Variants in SLC25A35 observed in about 807,000 individuals in gnomAD.
SLC25A35 encodes solute carrier family 25, member 35.
SLC25A35 carries 32 observed loss-of-function variants against 30.5 expected under a neutral mutation model. The ratio of observed to expected loss-of-function variants is 1.05; its 90% CI spans 0.79 to 1.41. The LOEUF is 1.41. Ranked by LOEUF, SLC25A35 falls within the 40% of genes most tolerant of loss-of-function variation. SLC25A35 has a pLI of 0.00. For missense variants in SLC25A35, 369 were observed against 388.0 expected (o/e 0.95, Z 0.41); for synonymous variants, 142 against 158.1 (o/e 0.90, Z 0.77).
rs148456138 is a variant in SLC25A35 at position 8,291,395 on chromosome 17, C to G, written c.532G>C (p.Val178Leu). The change falls in exon 3 of 5, where the codon GTC (valine) becomes CTC (leucine). Residue 178 changes from valine (V) to leucine (L), a missense_variant. Coordinates refer to ENST00000577745, the MANE Select transcript of SLC25A35 (RefSeq NM_001320870.2). ...GALGGLPRVIVGSSTQLCTFS... is the reference protein window; with the variant it reads ...GALGGLPRVILGSSTQLCTFS... ...GTGCACAGCTGGGTGGAGGAACCGA[C>G]GATAACTCGGGGCAGGCCGCCCAGA... 2 of 1,614,118 alleles carry G rather than the reference C, an allele frequency of 1.2e-6. No homozygotes were observed. The highest frequency in any genetic ancestry group is 1.7e-5 in the Admixed American group (1 of 60,008).
chr17:8,288,952 C>A, downstream of SLC25A35: 1 of 1,614,090 alleles, frequency 6.2e-7, no homozygotes, highest in Non-Finnish European at 8.5e-7. Flanking sequence ...TCGCCTCACT[C>A]CAGCGACCTC....
chr17:8,289,165 C>G, downstream of SLC25A35: 3 of 1,599,638 alleles, frequency 1.9e-6, no homozygotes, highest in Non-Finnish European at 2.6e-6. Context: ...GCGGTGAGAC[C>G]ACGCACGGGC....
At chr17:8,289,270 G>A (rs1175231056), downstream of SLC25A35, 3 of 1,613,678 alleles carry the variant, frequency 1.9e-6, no homozygotes, top group Non-Finnish European at 1.7e-6. Flanking sequence ...ACCACTTTGA[G>A]GATGTTGGTG....
At chr17:8,289,715 G>C (rs1014363160), downstream of SLC25A35, 1 of 1,613,504 alleles carries the variant, frequency 6.2e-7, no homozygotes, top group African/African-American at 1.3e-5. Flanking sequence ...AGAGGTTTGG[G>C]GTAACTGATA....
intron 2 of SLC25A35, among the ~76,000 whole-genome samples, chr17:8,292,275 C>T (rs1990566708): frequency 6.6e-6 from 1 of 152,204 alleles, no homozygotes; most frequent in South Asian, 2.1e-4. Flanking sequence ...AGGAGAATCA[C>T]TTGAACCCGG....
downstream of SLC25A35, chr17:8,287,966 C>A (rs1380810634): frequency 1.3e-5 from 2 of 152,186 alleles, no homozygotes; most frequent in Non-Finnish European, 2.9e-5. Context: ...TTCCCAGCAG[C>A]AGATCTATGA....
At chr17:8,289,952 G>A (rs138188491), downstream of SLC25A35, 1 of 1,613,972 alleles carries the variant, frequency 6.2e-7, no homozygotes, top group Admixed American at 1.7e-5. Context: ...CTGAAGCACT[G>A]CATGATGTTG....
At position 8,290,559 on chromosome 17, in the gene SLC25A35, G is replaced by A; in HGVS notation, c.849C>T (p.Leu283=). Residue 283 remains leucine (L), a synonymous_variant, in exon 5 of 5, where the codon CTC becomes CTT. Transcript: ENST00000577745. ...GCAGCTGGTCCCAGAAGAAGAGGGA[G>A]AGGATGGTGTGGGGGCCGAGGCGGA... The part of the protein sequence containing the change: ...SYFRLGPHTI[L]SLFFWDQLRS... 1.3e-6 allele frequency: 2 copies of A among 1,536,162 alleles called. No individual in the cohort carries two copies. The highest frequency in any genetic ancestry group is 1.2e-5 in the South Asian group (1 of 84,070).
At chr17:8,289,630 C>G, downstream of SLC25A35, 1 of 1,607,164 alleles carries the variant, frequency 6.2e-7, no homozygotes, top group Non-Finnish European at 8.5e-7. Flanking sequence ...GACTGGGTTC[C>G]CAGGAGAATC....
At chr17:8,293,763 G>C (rs1179784399) in intron 1 of SLC25A35, among the ~76,000 whole-genome samples, 19 of 150,804 alleles carry the variant, frequency 1.3e-4, no homozygotes, top group Non-Finnish European at 1.9e-4. Flanking sequence ...GTGTTAGCCA[G>C]GATGGTCTCC....
chr17:8,291,685 G>A (rs932787713), intron 2 of SLC25A35, among the ~76,000 whole-genome samples, 200 bp from the exon 3 acceptor site: 1 of 152,252 alleles, frequency 6.6e-6, no homozygotes, highest in African/African-American at 2.4e-5. Flanking sequence ...ACTGGGGCGG[G>A]ATGTATGCAA....
At position 8,290,860 on chromosome 17, in the gene SLC25A35, G is replaced by A. The variant is rs1484020285; in HGVS notation, c.711C>T (p.Pro237=). ...TCCTTACCTTGCCCTGTGCATCTGT[G>A]GGCTGGTTGTAGAGCCTTGTGCAGG... The part of the protein sequence containing the change: ...DVACTRLYNQ[P]TDAQGKGLMY... Residue 237 remains proline, a synonymous_variant, in exon 4 of 5, where the codon CCC becomes CCT. Transcript: ENST00000577745. 6.2e-7 allele frequency: 1 copy of A among 1,614,020 alleles called. No homozygotes were observed. The highest frequency in any genetic ancestry group is 1.1e-5 in the South Asian group (1 of 91,078).
At position 8,294,779 on chromosome 17, in the gene SLC25A35, G is replaced by A. The variant is rs200342089; in HGVS notation, c.29C>T (p.Ala10Val). 1.3e-4 allele frequency: 206 copies of A among 1,594,940 alleles called. No individual in the cohort carries two copies. Among genetic ancestry groups the A allele is most frequent in the Non-Finnish European group, 1.6e-4 (184 of 1,167,932 alleles). Residue 10 changes from alanine to valine, a missense_variant, in exon 1 of 5, where the codon GCC becomes GTC. Physicochemically the swap from Ala to Val is moderately conservative, Grantham distance 64. Coordinates refer to ENST00000577745, the MANE Select transcript of SLC25A35 (RefSeq NM_001320870.2). ...ATTGGTGAATACACAGGCCCCGCAGGCTGCCAGGCCACTCATCAAGAAGTC... is the reference window on the plus strand; with the variant it reads ...ATTGGTGAATACACAGGCCCCGCAGACTGCCAGGCCACTCATCAAGAAGTC... MDFLMSGLA[A>V]CGACVFTNPL... is the part of the protein sequence containing the mutation.
chr17:8,293,047 G>A (rs1442654610), intron 1 of SLC25A35, among the ~76,000 whole-genome samples: 1 of 152,212 alleles, frequency 6.6e-6, no homozygotes, highest in African/African-American at 2.4e-5. Context: ...ACTTTGGGGA[G>A]ACCACTGTCC....
At chr17:8,294,397 T>C in intron 1 of SLC25A35, 36 bp downstream of exon 1, 2 of 1,521,014 alleles carry the variant, frequency 1.3e-6, no homozygotes, top group Non-Finnish European at 1.8e-6. Context: ...AACGAGGATC[T>C]GCCCTGAAGG....
downstream of SLC25A35, chr17:8,289,774 T>C (rs369313473): frequency 1.2e-6 from 2 of 1,613,676 alleles, no homozygotes; most frequent in Non-Finnish European, 1.7e-6. Context: ...ACCTCAGGCC[T>C]GGATGATGTT....
At chr17:8,289,946 A>G, downstream of SLC25A35, 1 of 1,614,198 alleles carries the variant, frequency 6.2e-7, no homozygotes, top group Non-Finnish European at 8.5e-7. Context: ...AAGGCGCTGA[A>G]GCACTGCATG....
downstream of SLC25A35, chr17:8,288,924 G>A (rs367967022): frequency 2.4e-5 from 38 of 1,613,794 alleles, no homozygotes; most frequent in South Asian, 1.4e-4. Flanking sequence ...AAGAGACCGG[G>A]GTCAACCAGG....
At position 8,291,393 on chromosome 17, in the gene SLC25A35, G is replaced by T. The variant is rs62637609; in HGVS notation, c.534C>A (p.Val178=). 4 of 1,614,062 alleles carry T rather than the reference G, an allele frequency of 2.5e-6. No individual in the cohort carries two copies. The highest frequency in any genetic ancestry group is 3.3e-5 in the Admixed American group (2 of 60,002). The change falls in exon 3 of 5, where the codon GTC becomes GTA. Residue 178 remains valine, a synonymous_variant. Transcript: ENST00000577745. ...GALGGLPRVI[V]GSSTQLCTFS... is the part of the protein sequence containing the mutation. ...AGGTGCACAGCTGGGTGGAGGAACCGACGATAACTCGGGGCAGGCCGCCCA... is the reference window on the plus strand; with the variant it reads ...AGGTGCACAGCTGGGTGGAGGAACCTACGATAACTCGGGGCAGGCCGCCCA...
Sources: gnomAD v4.1 joint callset for allele counts (sites outside exome capture counted in the v4.1 genomes callset) on GRCh38, gnomAD v4.1.1 for gene constraint, MANE v1.5 for transcripts, NCBI Gene and HGNC (gene_info 2026-07-23, HGNC 2026-07-21) for gene names.